SNRNP70: variants seen among roughly 807,000 people sequenced by gnomAD.
The protein encoded by SNRNP70 is U1 small nuclear ribonucleoprotein 70 kDa.
Under a neutral mutation model 50.5 loss-of-function variants are expected in SNRNP70, and 8 were observed. The observed-to-expected ratio is 0.16, with a 90% CI of 0.09 to 0.29. The LOEUF (loss-of-function observed/expected upper bound fraction) is 0.29. SNRNP70 is among the 10% of genes least tolerant of loss of function. The probability of loss-of-function intolerance (pLI) is 1.00; values close to 1 mark genes in which losing one functional copy is unlikely to be tolerated. For missense variants in SNRNP70, 529 were observed against 663.5 expected, an observed-to-expected ratio of 0.80 and a Z score of 2.23; for synonymous variants, 320 against 252.9, an observed-to-expected ratio of 1.27 and a Z score of -2.52.
intron 2 of SNRNP70, chr19:49,087,922 GAC>G (rs2040401618): frequency 2.0e-5 from 3 of 152,276 alleles, no homozygotes; most frequent in African/African-American, 7.2e-5. Context: ...TTATTTATGA[GAC>G]AGTTTTGCTC....
Position 49,104,553 on chromosome 19 carries a change from G to A in SNRNP70, c.476-81G>A, listed in dbSNP as rs763676352. On this transcript the variant is annotated intron_variant, in intron 7 of 9. Transcript: ENST00000598441. This position sits in a 1 kb window ranked among gnomAD's most constrained non-coding sequence, Gnocchi z 5.4. Reference sequence around the variant, plus strand: ...CGTGATGATGGGGACACGGGGCGGGGATTCTGTAGAGCTGGGCCTGTCCTG... The same window carrying A: ...CGTGATGATGGGGACACGGGGCGGGAATTCTGTAGAGCTGGGCCTGTCCTG... 3.8e-6 allele frequency: 4 copies of A among 1,059,648 alleles called. No individual in the cohort carries two copies. Among genetic ancestry groups the A allele is most frequent in the South Asian group, 2.7e-5 (2 of 73,882 alleles). The allele number at this position is 1,059,648 out of a possible 1,614,324, so 65.6% of individuals were successfully genotyped here.
intron 4 of SNRNP70, among the ~76,000 whole-genome samples, chr19:49,096,224 A>G (rs1347795815): frequency 6.6e-6 from 1 of 151,536 alleles, no homozygotes; most frequent in Non-Finnish European, 1.5e-5. Flanking sequence ...TGCCCTGGTA[A>G]TTTTGTATTT....
At chr19:49,092,090 C>G (rs1006293055) in intron 4 of SNRNP70, among the ~76,000 whole-genome samples, 3 of 151,744 alleles carry the variant, frequency 2.0e-5, no homozygotes, top group Admixed American at 6.6e-5. Context: ...ACTAGTTTAC[C>G]TATGTCTTTT....
Position 49,086,542 on chromosome 19 carries a change from C to T in SNRNP70, c.128C>T (p.Pro43Leu), listed in dbSNP as rs758474062. ...AATCAACCTTATTGTGGCATTGCGCCGTACATTCGAGAGTTTGAGGTGAGT... is the reference window on the plus strand; with the variant it reads ...AATCAACCTTATTGTGGCATTGCGCTGTACATTCGAGAGTTTGAGGTGAGT... The part of the protein sequence containing the change: ...HHNQPYCGIA[P>L]YIREFEDPRD... Residue 43 changes from proline to leucine, a missense_variant, in exon 2 of 10, where the codon CCG becomes CTG. This residue lies in a region of SNRNP70 where 149 missense variants were observed against 259.7 expected (regional missense o/e 0.57). Coordinates refer to ENST00000598441, the MANE Select transcript of SNRNP70 (RefSeq NM_003089.6). 4.3e-6 allele frequency: 7 copies of T among 1,613,776 alleles called. No individual in the cohort carries two copies. The highest frequency in any genetic ancestry group is 1.3e-5 in the African/African-American group (1 of 74,890).
At chr19:49,087,430 C>G (rs1268592610) in intron 2 of SNRNP70, among the ~76,000 whole-genome samples, 1 of 152,146 alleles carries the variant, frequency 6.6e-6, no homozygotes. Flanking sequence ...ACCAAGCAGT[C>G]AGCACATGTC....
At chr19:49,086,639 C>T (rs2040383770) in intron 2 of SNRNP70, 78 bp downstream of exon 2, 4 of 1,371,364 alleles carry the variant, frequency 2.9e-6, no homozygotes, top group Non-Finnish European at 4.1e-6. Flanking sequence ...AGCTTCTGGC[C>T]ATTTTGCCAG....
intron 4 of SNRNP70, 48 bp downstream of exon 4, chr19:49,090,568 GT>G (rs762013863): frequency 6.3e-7 from 1 of 1,574,844 alleles, no homozygotes; most frequent in East Asian, 2.2e-5. Flanking sequence ...CAAACCCTCT[GT>G]ATTCTTCCCA....
rs1323203214 is a variant in SNRNP70 at position 49,085,469 on chromosome 19, C to T, written c.-178C>T. On this transcript the variant is annotated 5_prime_UTR_variant, in exon 1 of 10. Coordinates refer to ENST00000598441, the MANE Select transcript of SNRNP70 (RefSeq NM_003089.6). ...CTGCTCCAGTCGCTATCGGAGGCCGCGCGGGTGGCTGAGCAGCGGCCTGGT... is the reference window on the plus strand; with the variant it reads ...CTGCTCCAGTCGCTATCGGAGGCCGTGCGGGTGGCTGAGCAGCGGCCTGGT... 1 of 435,734 alleles carries T rather than the reference C, an allele frequency of 2.3e-6. No homozygotes were observed. Among genetic ancestry groups the T allele is most frequent in the Admixed American group, 2.4e-5 (1 of 40,960 alleles). 27.0% of individuals were successfully genotyped at this position (435,734 alleles called of 1,614,324 possible). A position where few individuals can be genotyped will look rare whatever the true frequency, so the allele number is the denominator to read the frequency against.
intron 8 of SNRNP70, among the ~76,000 whole-genome samples, chr19:49,106,209 T>C (rs946730199): frequency 2.6e-5 from 4 of 152,190 alleles, no homozygotes; most frequent in Non-Finnish European, 4.4e-5. Context: ...TGGGTTCTTA[T>C]AGCTCTGCTG....
At chr19:49,098,739 G>T in intron 6 of SNRNP70, 35 bp downstream of exon 6, 2 of 1,545,960 alleles carry the variant, frequency 1.3e-6, no homozygotes, top group Non-Finnish European at 1.8e-6. Context: ...TGAATTGGGG[G>T]TGCATGGAGG....
chr19:49,086,078 T>C (rs1199200909), intron 1 of SNRNP70, among the ~76,000 whole-genome samples: 1 of 152,232 alleles, frequency 6.6e-6, no homozygotes, highest in African/African-American at 2.4e-5. Flanking sequence ...ACAGCTGCTC[T>C]GGGCCTCCCT....
At chr19:49,088,982 T>G (rs1004841795) in intron 2 of SNRNP70, among the ~76,000 whole-genome samples, 4 of 152,142 alleles carry the variant, frequency 2.6e-5, no homozygotes, top group Non-Finnish European at 5.9e-5. Flanking sequence ...CTCTGGCACT[T>G]TGTTCAATGT....
intron 4 of SNRNP70, among the ~76,000 whole-genome samples, chr19:49,093,696 A>G (rs2040478261): frequency 6.7e-6 from 1 of 148,594 alleles, no homozygotes; most frequent in Non-Finnish European, 1.5e-5. Flanking sequence ...AAAAAAACAA[A>G]AAAAAAAACA....
rs181359285 is a variant in SNRNP70, at chr19:49,089,949, A to G, written c.148-342A>G. On this transcript the variant is annotated intron_variant, in intron 2 of 9. Coordinates refer to ENST00000598441, the MANE Select transcript of SNRNP70 (RefSeq NM_003089.6). ...AAGTGCTGGGATTACAGGCGTGTGC[A>G]CTGCACCCGGCCTTTACACCTGGCT... is the stretch of plus-strand genomic sequence containing the variant. 7.9e-5 allele frequency among the ~76,000 whole-genome samples: 12 copies of G among 151,998 alleles called. No homozygotes were observed. The East Asian group carries it at 2.1e-3, about 27-fold the overall frequency.
intron 7 of SNRNP70, chr19:49,103,627 G>C (rs891663561): frequency 6.6e-6 from 1 of 152,468 alleles, no homozygotes; most frequent in African/African-American, 2.4e-5. Context: ...TTGTTATTTG[G>C]GGGGGAGCGG....
chr19:49,100,544 C>T (rs368634021), intron 6 of SNRNP70, among the ~76,000 whole-genome samples: 2 of 152,184 alleles, frequency 1.3e-5, no homozygotes, highest in Non-Finnish European at 2.9e-5. Context: ...CAGTGGCTCA[C>T]GCCCGTAATC....
At position 49,104,730 on chromosome 19, in the gene SNRNP70, G is replaced by A. The variant is rs1182904710; in HGVS notation, c.572G>A (p.Arg191Gln). Residue 191 changes from arginine to glutamine, a missense_variant, in exon 8 of 10, where the codon CGG becomes CAG. Arg to Gln is a conservative substitution (Grantham distance 43). Coordinates refer to ENST00000598441, the MANE Select transcript of SNRNP70 (RefSeq NM_003089.6). The surrounding 1 kb of genome is among the most constrained non-coding windows in gnomAD (Gnocchi z 5.4). The stretch of plus-strand genomic sequence containing the variant: ...ACCGTGAAGGGCTGGAGGCCCCGGC[G>A]GCTAGGTGAGCACATCCTGCCTTCG... ...GRTVKGWRPR[R>Q]LGGGLGGTRR... The A allele has an allele frequency of 7.8e-6, 12 of 1,544,610 alleles. No individual in the cohort carries two copies. Among genetic ancestry groups the A allele is most frequent in the Admixed American group, 2.0e-5 (1 of 50,378 alleles).
At chr19:49,106,853 G>C (rs1045319317) in intron 8 of SNRNP70, among the ~76,000 whole-genome samples, 11 of 152,174 alleles carry the variant, frequency 7.2e-5, no homozygotes, top group African/African-American at 2.4e-4. Context: ...GCCACCTGCT[G>C]GTACCGTGAG....
intron 4 of SNRNP70, among the ~76,000 whole-genome samples, chr19:49,092,901 CTT>C (rs569222658): frequency 1.5e-5 from 2 of 134,268 alleles, no homozygotes; most frequent in African/African-American, 5.2e-5. Flanking sequence ...TGCTCAGCCT[CTT>C]TTTTTTTTGT....
Sources: gnomAD v4.1 joint callset for allele counts (sites outside exome capture counted in the v4.1 genomes callset) on GRCh38, gnomAD v4.1.1 for gene constraint, gnomAD v4.1.1 regional missense constraint, Gnocchi (gnomAD v3.1) non-coding constraint, MANE v1.5 for transcripts, NCBI Gene and HGNC (gene_info 2026-07-23, HGNC 2026-07-21) for gene names.